GRAMD1B: variants seen among roughly 807,000 people sequenced by gnomAD.
GRAMD1B encodes protein Aster-B.
GRAMD1B carries 37 observed loss-of-function variants against 99.7 expected under a neutral mutation model. That is an observed-to-expected ratio of 0.37 (90% confidence interval 0.29 to 0.49). The LOEUF is 0.49. Among genes scored for constraint, GRAMD1B ranks in the 20% least tolerant of loss-of-function variants. The probability of loss-of-function intolerance (pLI) is 0.98; values close to 1 mark genes in which losing one functional copy is unlikely to be tolerated. For missense variants in GRAMD1B, 888 were observed against 1,009.2 expected, an observed-to-expected ratio of 0.88 and a Z score of 1.63; for synonymous variants, 427 against 387.6, an observed-to-expected ratio of 1.10 and a Z score of -1.19.
chr11:123,377,939 C>T (rs1287089169), intron 1 of GRAMD1B, among the ~76,000 whole-genome samples: 1 of 152,172 alleles, frequency 6.6e-6, no homozygotes, highest in African/African-American at 2.4e-5. Context: ...CTATGTGGCT[C>T]CTTTGTGTTT....
In GRAMD1B at chr11:123,460,922, C is replaced by T. The variant is rs17127389; in HGVS notation, c.375-19894C>T. On this transcript the variant is annotated intron_variant, in intron 1 of 19. Transcript: ENST00000635736. ...TCCCAGGTGCATCAGCTTCTCCTTT[C>T]CTTGGGCGCCTCTTTCCTGGGCCGT... Among the ~76,000 whole-genome samples the T allele has an allele frequency of 8.6e-3, 1,309 of 152,252 alleles. 10 individuals are homozygous for T. The highest frequency in any genetic ancestry group is 0.078 in the Middle Eastern group (23 of 294).
At chr11:123,400,041 T>G (rs531182799) in intron 1 of GRAMD1B, among the ~76,000 whole-genome samples, 3 of 152,250 alleles carry the variant, frequency 2.0e-5, no homozygotes, top group Non-Finnish European at 4.4e-5. Context: ...TGGTTCATTT[T>G]GTAATTGGGT....
intron 2 of GRAMD1B, among the ~76,000 whole-genome samples, chr11:123,565,291 G>A (rs941466152): frequency 1.3e-5 from 2 of 150,802 alleles, no homozygotes; most frequent in African/African-American, 4.9e-5. Context: ...TTCCCACCTC[G>A]GCCTCCCGAA....
chr11:123,576,661 G>A (rs552209783), intron 2 of GRAMD1B, among the ~76,000 whole-genome samples: 84 of 152,318 alleles, frequency 5.5e-4, no homozygotes, highest in African/African-American at 1.9e-3. Flanking sequence ...TGAGAACTTC[G>A]GCTGTGTGCA....
At chr11:123,544,932 G>T (rs530380553) in intron 2 of GRAMD1B, among the ~76,000 whole-genome samples, 1 of 152,218 alleles carries the variant, frequency 6.6e-6, no homozygotes, top group East Asian at 1.9e-4. Context: ...TTGTTCTGGC[G>T]ATGGGAGATA....
chr11:123,468,795 C>CAAAA (rs11446671), intron 1 of GRAMD1B, among the ~76,000 whole-genome samples: 4 of 98,004 alleles, frequency 4.1e-5, no homozygotes, highest in East Asian at 6.1e-4. Flanking sequence ...GACCCTGTAT[C>CAAAA]AAAAAAAAAA....
intron 16 of GRAMD1B, 134 bp downstream of exon 16, chr11:123,613,792 A>G: frequency 1.5e-6 from 1 of 655,000 alleles, no homozygotes; most frequent in Non-Finnish European, 2.7e-6. Flanking sequence ...GTAAGTCACT[A>G]AATCTGAGGC....
At position 123,601,515 on chromosome 11, in the gene GRAMD1B, A is replaced by ATGTGTGTGTGTGTG. The variant is rs4063751; in HGVS notation, c.1050+985_1050+998dup. ...AATGTTTCCCCCAGGATTAATTTTT[A>ATGTGTGTGTGTGTG]TGTGTGTGTGTGTGTGTGTGTGTGT... On this transcript the variant is annotated intron_variant, in intron 8 of 19. Transcript: ENST00000635736. Among the ~76,000 whole-genome samples, 752 of 148,912 alleles carry ATGTGTGTGTGTGTG rather than the reference A, an allele frequency of 5.0e-3. 12 individuals carry two copies. Among genetic ancestry groups the ATGTGTGTGTGTGTG allele is most frequent in the African/African-American group, 0.017 (688 of 40,618 alleles).
intron 7 of GRAMD1B, chr11:123,598,810 C>T (rs1479533053): frequency 2.8e-6 from 3 of 1,078,420 alleles, no homozygotes; most frequent in Non-Finnish European, 4.3e-6. Context: ...TCAAATTCAG[C>T]CTGAATCTTC....
Position 123,420,128 on chromosome 11 carries a change from A to T in GRAMD1B, c.-175-60688A>T, listed in dbSNP as rs1321709253. ...GAAAGGCTACTTTTAAAGGTCTTTTATTGTTTACTAAGCTACTATTGCAAC... is the reference window on the plus strand; with the variant it reads ...GAAAGGCTACTTTTAAAGGTCTTTTTTTGTTTACTAAGCTACTATTGCAAC... On this transcript the variant is annotated intron_variant, in intron 1 of 20. Coordinates refer to the GRAMD1B transcript ENST00000638157. Among the ~76,000 whole-genome samples the T allele has an allele frequency of 5.9e-5, 9 of 152,214 alleles. 1 individual carries two copies. Among genetic ancestry groups the T allele is most frequent in the Admixed American group, 5.9e-4 (9 of 15,278 alleles).
At chr11:123,598,206 G>C (rs1044898843) in intron 7 of GRAMD1B, 5 of 1,423,696 alleles carry the variant, frequency 3.5e-6, no homozygotes, top group Non-Finnish European at 4.0e-6. Flanking sequence ...TGGGTCCTCG[G>C]TAGGTGTAGT....
At chr11:123,529,499 G>T (rs191596041) in intron 2 of GRAMD1B, among the ~76,000 whole-genome samples, 1 of 152,144 alleles carries the variant, frequency 6.6e-6, no homozygotes, top group Non-Finnish European at 1.5e-5. Context: ...AGAGCTTTAG[G>T]CTGTCTCCAA....
At chr11:123,598,593 C>A (rs1951573830) in intron 7 of GRAMD1B, 4 of 1,533,256 alleles carry the variant, frequency 2.6e-6, no homozygotes, top group African/African-American at 2.7e-5. Context: ...TCCTTTGGTG[C>A]TGAATAGTCT....
chr11:123,455,193 A>T (rs146963862), intron 1 of GRAMD1B, among the ~76,000 whole-genome samples: 1 of 152,340 alleles, frequency 6.6e-6, no homozygotes, highest in Admixed American at 6.5e-5. Context: ...AAAATATTTG[A>T]TTAAACTATA....
At chr11:123,544,497 A>G (rs528799478) in intron 2 of GRAMD1B, among the ~76,000 whole-genome samples, 1 of 152,226 alleles carries the variant, frequency 6.6e-6, no homozygotes, top group East Asian at 1.9e-4. Flanking sequence ...TCTCTCTTGG[A>G]GCATTCACTC....
intron 11 of GRAMD1B, among the ~76,000 whole-genome samples, chr11:123,607,099 A>T (rs536121375): frequency 5.4e-4 from 82 of 152,286 alleles, no homozygotes; most frequent in African/African-American, 1.9e-3. Flanking sequence ...GGCAATGTTT[A>T]TAAGCCACAA....
intron 2 of GRAMD1B, among the ~76,000 whole-genome samples, chr11:123,551,083 G>A (rs955914163): frequency 6.6e-6 from 1 of 152,162 alleles, no homozygotes; most frequent in Non-Finnish European, 1.5e-5. Flanking sequence ...TTGGGCTGAG[G>A]GAGAAGTTCA....
chr11:123,358,504 C>T (rs1316755942), exon 1 of GRAMD1B: 2 of 152,170 alleles, frequency 1.3e-5, no homozygotes, highest in South Asian at 2.1e-4. Flanking sequence ...GCCCCAGCGG[C>T]TCCCGCCCCG....
At chr11:123,535,395 T>C (rs140297248) in intron 2 of GRAMD1B, among the ~76,000 whole-genome samples, 2 of 152,184 alleles carry the variant, frequency 1.3e-5, no homozygotes, top group African/African-American at 4.8e-5. Context: ...GGGATAAAAC[T>C]GAAGAGGTGA....
Sources: allele counts gnomAD v4.1 joint callset (sites outside exome capture counted in the v4.1 genomes callset), GRCh38; gene constraint gnomAD v4.1.1; transcripts MANE v1.5; gene names NCBI Gene and HGNC (gene_info 2026-07-23, HGNC 2026-07-21).